The following ZFHX3 variants were observed in gnomAD, a reference collection of about 807,000 sequenced individuals.
ZFHX3 encodes the protein zinc finger homeobox 3.
In ZFHX3, 42 loss-of-function variants were observed where a neutral mutation model predicts 279.1. The ratio of observed to expected loss-of-function variants is 0.15; its 90% CI spans 0.12 to 0.19. ZFHX3 has a LOEUF of 0.19. Ranked by LOEUF, ZFHX3 falls within the 10% of genes least tolerant of loss-of-function variation. The pLI, the probability that ZFHX3 is intolerant of heterozygous loss-of-function variation, is 1.00. For missense variants in ZFHX3, 4,981 were observed against 4,754.0 expected (o/e 1.05, Z -1.40); for synonymous variants, 2,293 against 1,957.8 (o/e 1.17, Z -4.52).
rs549828575 is a variant in ZFHX3 at position 73,075,051 on chromosome 16, A to C, written c.-532-16039T>G. ...TTGAACTCCTGAGCTCAAGCAGTCC[A>C]TCAGCCTTGGTCTCCCAAAGTGCTG... On this transcript the variant is annotated intron_variant, in intron 8 of 17. Transcript: ENST00000641206. Among the ~76,000 whole-genome samples, 141 of 152,216 alleles carry C rather than the reference A, an allele frequency of 9.3e-4. 1 individual carries two copies. The highest frequency in any genetic ancestry group is 2.9e-3 in the African/African-American group (121 of 41,560).
intron 1 of ZFHX3, among the ~76,000 whole-genome samples, chr16:73,010,275 G>A (rs560490392): frequency 1.3e-5 from 2 of 152,230 alleles, no homozygotes; most frequent in African/African-American, 4.8e-5. Context: ...CACCTGCATC[G>A]CCCGTGTGCC....
intron 3 of ZFHX3, among the ~76,000 whole-genome samples, chr16:72,919,522 T>TG (rs889806241): frequency 1.3e-5 from 2 of 152,096 alleles, no homozygotes; most frequent in African/African-American, 4.8e-5. Flanking sequence ...TAAGAATCCT[T>TG]GAGCCAGGTG....
intron 2 of ZFHX3, among the ~76,000 whole-genome samples, chr16:73,568,717 C>T (rs2020485137): frequency 2.0e-5 from 3 of 152,208 alleles, no homozygotes; most frequent in Admixed American, 2.0e-4. Context: ...GGAGCTGGCC[C>T]CCCTCTAGCC....
intron 2 of ZFHX3, among the ~76,000 whole-genome samples, chr16:73,517,977 G>A (rs1008480927): frequency 3.3e-5 from 5 of 152,084 alleles, no homozygotes; most frequent in African/African-American, 1.2e-4. Context: ...ATTTTATTCA[G>A]CCCAGTATAT....
At chr16:73,054,929 A>G (rs1965517618) in intron 1 of ZFHX3, among the ~76,000 whole-genome samples, 1 of 152,182 alleles carries the variant, frequency 6.6e-6, no homozygotes, top group Non-Finnish European at 1.5e-5. Flanking sequence ...AAAATACAGA[A>G]AATGTGTTGC....
intron 5 of ZFHX3, among the ~76,000 whole-genome samples, chr16:73,144,070 TG>T (rs949053260): frequency 9.9e-5 from 15 of 152,266 alleles, no homozygotes; most frequent in African/African-American, 3.4e-4. Flanking sequence ...ATTCTTGAAC[TG>T]GGAAAGGCAT....
At chr16:73,466,622 G>A (rs1238360898) in intron 2 of ZFHX3, among the ~76,000 whole-genome samples, 1 of 152,174 alleles carries the variant, frequency 6.6e-6, no homozygotes, top group Admixed American at 6.5e-5. Context: ...GATCTGGAAG[G>A]GTGGGTGCGG....
chr16:73,142,724 A>G (rs879662635), intron 6 of ZFHX3, among the ~76,000 whole-genome samples: 1 of 152,264 alleles, frequency 6.6e-6, no homozygotes, highest in African/African-American at 2.4e-5. Flanking sequence ...ATAAAATGAT[A>G]AAGTTAACAG....
intron 2 of ZFHX3, among the ~76,000 whole-genome samples, chr16:73,588,699 A>C (rs1310363101): frequency 1.4e-5 from 2 of 144,888 alleles, no homozygotes; most frequent in African/African-American, 5.5e-5. Flanking sequence ...CAAAAACAAA[A>C]AACAAAACAA....
intron 1 of ZFHX3, among the ~76,000 whole-genome samples, chr16:73,707,753 TA>T (rs67816114): frequency 0.55 from 81,648 of 147,876 alleles, 25,980 homozygotes; most frequent in East Asian, 0.71. Flanking sequence ...TAATAAAATT[TA>T]AAAAAAAAAA....
intron 2 of ZFHX3, among the ~76,000 whole-genome samples, chr16:73,647,586 T>C (rs1201435224): frequency 6.6e-6 from 1 of 152,198 alleles, no homozygotes; most frequent in Non-Finnish European, 1.5e-5. Context: ...TGTGAGTCAA[T>C]TAAACTTGTT....
intron 4 of ZFHX3, among the ~76,000 whole-genome samples, chr16:72,889,428 T>A (rs2073850): frequency 6.7e-6 from 1 of 148,326 alleles, no homozygotes; most frequent in Non-Finnish European, 1.5e-5. Context: ...CCCTGGGTAG[T>A]AGCTTGTGAC....
At chr16:72,817,875 C>G (rs1216600435) in intron 5 of ZFHX3, among the ~76,000 whole-genome samples, 1 of 152,200 alleles carries the variant, frequency 6.6e-6, no homozygotes, top group Non-Finnish European at 1.5e-5. Flanking sequence ...CCATCAGACT[C>G]TTAGCTAAAA....
chr16:73,595,754 C>T (rs1269696881), intron 2 of ZFHX3, among the ~76,000 whole-genome samples: 2 of 152,124 alleles, frequency 1.3e-5, no homozygotes, highest in Non-Finnish European at 2.9e-5. Context: ...TACCATCTTT[C>T]CCCTCAATAC....
intron 7 of ZFHX3, among the ~76,000 whole-genome samples, chr16:73,115,981 G>T (rs8047596): frequency 1.3e-5 from 2 of 152,088 alleles, no homozygotes; most frequent in Non-Finnish European, 2.9e-5. Context: ...TTAGCCGGGC[G>T]TGGTGATGCA....
At chr16:73,200,187 G>A (rs1402956587) in intron 5 of ZFHX3, among the ~76,000 whole-genome samples, 8 of 152,076 alleles carry the variant, frequency 5.3e-5, no homozygotes, top group Non-Finnish European at 1.2e-4. Flanking sequence ...ATGCAGAAAG[G>A]TATAATTCTG....
At chr16:73,573,662 T>C (rs1202572669) in intron 2 of ZFHX3, among the ~76,000 whole-genome samples, 1 of 152,236 alleles carries the variant, frequency 6.6e-6, no homozygotes, top group Non-Finnish European at 1.5e-5. Flanking sequence ...TATTAAATTA[T>C]ATTAACCTAT....
chr16:73,767,698 T>G (rs1382037065), intron 1 of ZFHX3, among the ~76,000 whole-genome samples: 1 of 152,210 alleles, frequency 6.6e-6, no homozygotes, highest in African/African-American at 2.4e-5. Context: ...TTTTCTCTCT[T>G]GTTTCTTTCA....
chr16:73,246,711 T>G (rs150311985), intron 5 of ZFHX3, among the ~76,000 whole-genome samples: 1 of 152,388 alleles, frequency 6.6e-6, no homozygotes, highest in African/African-American at 2.4e-5. Flanking sequence ...AGATACGATG[T>G]GCTTAAAATA....
Sources: allele counts gnomAD v4.1 joint callset (sites outside exome capture counted in the v4.1 genomes callset), GRCh38; gene constraint gnomAD v4.1.1; transcripts MANE v1.5; gene names NCBI Gene and HGNC (gene_info 2026-07-23, HGNC 2026-07-21).